SRGAP2B: variants seen among roughly 807,000 people sequenced by gnomAD.
The protein encoded by SRGAP2B is SLIT-ROBO Rho GTPase activating protein 2B, also known as SLIT-ROBO Rho GTPase-activating protein 2B.
In SRGAP2B, 9 loss-of-function variants were observed where a neutral mutation model predicts 22.2. The ratio of observed to expected loss-of-function variants is 0.41; its 90% CI spans 0.24 to 0.71. SRGAP2B has a LOEUF of 0.71. SRGAP2B is among the 30% of genes least tolerant of loss of function. The pLI is 0.35. For missense variants in SRGAP2B, 114 were observed against 235.8 expected (o/e 0.48, Z 3.38); for synonymous variants, 36 against 87.4 (o/e 0.41, Z 3.28).
chr1:144,954,834 CA>C lies in SRGAP2B; in HGVS notation c.423+604del, dbSNP rs1160725529. On this transcript the variant is annotated intron_variant, in intron 4 of 9. Transcript: ENST00000612199. The stretch of plus-strand genomic sequence containing the variant: ...CCGAAAGCATTCAGAGACCCAAAGA[CA>C]AAGACATACCACGATAAGAATAACC... 2.0e-5 allele frequency among the ~76,000 whole-genome samples: 3 copies of C among 149,986 alleles called. No individual in the cohort carries two copies. The South Asian group carries it at 6.3e-4, about 31-fold the overall frequency.
intron 3 of SRGAP2B, among the ~76,000 whole-genome samples, chr1:144,993,637 A>C (rs1670432647): frequency 6.7e-6 from 1 of 149,120 alleles, no homozygotes; most frequent in East Asian, 1.9e-4. Flanking sequence ...ACTAGAGCCC[A>C]AGAGTTTGAG....
chr1:144,984,379 C>CA (rs1319267494), intron 3 of SRGAP2B, among the ~76,000 whole-genome samples: 2 of 107,348 alleles, frequency 1.9e-5, no homozygotes, highest in Non-Finnish European at 4.3e-5. Context: ...AAAAAAAAAA[C>CA]AAAAAAGCCC....
chr1:144,941,490 G>A (rs1439850461), intron 4 of SRGAP2B, among the ~76,000 whole-genome samples: 1 of 148,486 alleles, frequency 6.7e-6, no homozygotes, highest in African/African-American at 2.6e-5. Flanking sequence ...GTAGAGAACA[G>A]AGAAAAAGGA....
At chr1:144,995,881 C>T (rs1670638392) in intron 2 of SRGAP2B, among the ~76,000 whole-genome samples, 1 of 151,026 alleles carries the variant, frequency 6.6e-6, no homozygotes, top group African/African-American at 2.5e-5. Flanking sequence ...TTCACAGTTT[C>T]CAACATCACA....
At chr1:144,943,333 C>T (rs587746729) in intron 4 of SRGAP2B, among the ~76,000 whole-genome samples, 2 of 150,382 alleles carry the variant, frequency 1.3e-5, no homozygotes, top group African/African-American at 5.0e-5. Context: ...CTTTACATGG[C>T]CTGGGTATTA....
intron 1 of SRGAP2B, among the ~76,000 whole-genome samples, chr1:145,094,035 G>C (rs1266952948): frequency 7.0e-6 from 1 of 143,562 alleles, no homozygotes; most frequent in Non-Finnish European, 1.5e-5. Context: ...GCTGAAGCAG[G>C]AAACGGGTTA....
rs1338906021 is a variant in SRGAP2B at position 144,957,126 on chromosome 1, ATAAC to A, written c.261-1529_261-1526del. Among the ~76,000 whole-genome samples the A allele has an allele frequency of 5.3e-5, 8 of 150,604 alleles. 1 individual carries two copies. The highest frequency in any genetic ancestry group is 1.3e-4 in the Admixed American group (2 of 15,148). ...CGAGTACTCTCATTCACTGCAAATA[ATAAC>A]TATCTGTTTCTTTCCCCCTTTCCTC... On this transcript the variant is annotated intron_variant, in intron 3 of 9. Coordinates refer to ENST00000612199, the Ensembl canonical transcript of SRGAP2B.
intron 4 of SRGAP2B, among the ~76,000 whole-genome samples, chr1:144,940,378 TG>T (rs1373544360): frequency 6.9e-6 from 1 of 144,104 alleles, no homozygotes; most frequent in Non-Finnish European, 1.5e-5. Context: ...TTATATTAAA[TG>T]GAAGTAGGGT....
At chr1:144,925,727 A>AAAG (rs1553604880) in intron 4 of SRGAP2B, among the ~76,000 whole-genome samples, 14 of 104,204 alleles carry the variant, frequency 1.3e-4, no homozygotes, top group South Asian at 7.2e-4. Context: ...AGAGAGAAAG[A>AAAG]AAAGAAAGAA....
At chr1:145,084,512 G>A (rs1326190555) in intron 2 of SRGAP2B, among the ~76,000 whole-genome samples, 2 of 148,392 alleles carry the variant, frequency 1.3e-5, no homozygotes, top group Non-Finnish European at 3.0e-5. Flanking sequence ...AGTAAAATGG[G>A]ATACTAGTAA....
At chr1:144,965,592 T>G (rs1668022112) in intron 3 of SRGAP2B, among the ~76,000 whole-genome samples, 1 of 136,878 alleles carries the variant, frequency 7.3e-6, no homozygotes, top group African/African-American at 3.2e-5. Flanking sequence ...CCTCTCCTCC[T>G]CCAAAGGAAC....
intron 4 of SRGAP2B, among the ~76,000 whole-genome samples, chr1:144,932,312 C>T (rs587692656): frequency 4.0e-5 from 6 of 150,998 alleles, no homozygotes; most frequent in Admixed American, 2.6e-4. Flanking sequence ...TCTCCACAGG[C>T]GCTACAGGGC....
intron 3 of SRGAP2B, among the ~76,000 whole-genome samples, chr1:144,993,518 T>G (rs587770431): frequency 6.7e-6 from 1 of 150,232 alleles, no homozygotes; most frequent in South Asian, 2.1e-4. Context: ...CTGGGCAACA[T>G]AGCGAAACCC....
intron 4 of SRGAP2B, among the ~76,000 whole-genome samples, chr1:144,954,928 A>C (rs1553609989): frequency 1.3e-5 from 2 of 150,392 alleles, no homozygotes; most frequent in Non-Finnish European, 2.9e-5. Context: ...ACATAAACGT[A>C]TATGAGTTTG....
Position 144,959,501 on chromosome 1 carries a change from A to G in SRGAP2B, c.261-3900T>C, listed in dbSNP as rs185845793. On this transcript the variant is annotated intron_variant, in intron 3 of 9. Transcript: ENST00000612199. The stretch of plus-strand genomic sequence containing the variant: ...TCATAATCCTGATCTCAATATTTTT[A>G]GTTCATAAAAACAGCCTCATTGTTC... Among the ~76,000 whole-genome samples, 4 of 128,576 alleles carry G rather than the reference A, an allele frequency of 3.1e-5. No individual in the cohort carries two copies. The East Asian group carries it at 8.6e-4, about 28-fold the overall frequency. The allele number at this position is 128,576 out of a possible 152,430, so 84.4% of individuals were successfully genotyped here. A position where few individuals can be genotyped will look rare whatever the true frequency, so the allele number is the denominator to read the frequency against.
intron 2 of SRGAP2B, among the ~76,000 whole-genome samples, chr1:145,030,707 A>G (rs1553625864): frequency 2.6e-4 from 3 of 11,720 alleles, no homozygotes. Flanking sequence ...ATAATTTAAA[A>G]AAAAAAAAAA....
chr1:144,904,797 T>TG (rs1662864688), intron 7 of SRGAP2B, among the ~76,000 whole-genome samples: 1 of 100,604 alleles, frequency 9.9e-6, no homozygotes, highest in Non-Finnish European at 1.8e-5. Flanking sequence ...CAGGCCTAGG[T>TG]GCAAATTTTG....
intron 3 of SRGAP2B, among the ~76,000 whole-genome samples, chr1:144,988,144 G>C (rs1233015406): frequency 7.4e-6 from 1 of 135,008 alleles, no homozygotes; most frequent in South Asian, 2.6e-4. Flanking sequence ...TTTGACTTCT[G>C]TATACACTTT....
At chr1:144,941,554 A>G (rs1222031418) in intron 4 of SRGAP2B, among the ~76,000 whole-genome samples, 2 of 150,350 alleles carry the variant, frequency 1.3e-5, no homozygotes, top group Non-Finnish European at 2.9e-5. Context: ...CTTAAAAGCA[A>G]AGAAAGGTAG....
Sources: allele counts gnomAD v4.1 joint callset (sites outside exome capture counted in the v4.1 genomes callset), GRCh38; gene constraint gnomAD v4.1.1; transcripts MANE v1.5; gene names NCBI Gene and HGNC (gene_info 2026-07-23, HGNC 2026-07-21).